Variants in PXMP2 observed in about 807,000 individuals in gnomAD.
The protein encoded by PXMP2 is 22 kDa peroxisomal membrane protein.
A neutral mutation model predicts 20.2 loss-of-function variants in PXMP2; 13 were observed. The observed-to-expected ratio is 0.64, with a 90% CI of 0.42 to 1.02. The LOEUF (loss-of-function observed/expected upper bound fraction) is 1.02. Ranked by LOEUF, PXMP2 falls within the 50% of genes least tolerant of loss-of-function variation. The pLI is 0.00. For missense variants in PXMP2, 284 were observed against 251.8 expected (o/e 1.13, Z -0.87); for synonymous variants, 113 against 111.2 (o/e 1.02, Z -0.10).
intron 2 of PXMP2, among the ~76,000 whole-genome samples, chr12:132,693,682 T>TA (rs1481349413): frequency 3.1e-5 from 4 of 129,394 alleles, no homozygotes; most frequent in African/African-American, 2.9e-5. Flanking sequence ...TGAGCGCCCT[T>TA]GCCAGTTAGT....
intron 4 of PXMP2, among the ~76,000 whole-genome samples, 157 bp from the exon 5 acceptor site, chr12:132,704,462 G>A (rs533352796): frequency 3.9e-5 from 6 of 152,288 alleles, no homozygotes; most frequent in African/African-American, 1.2e-4. Context: ...CTAGCACAGC[G>A]TTTGGTACGA....
intron 2 of PXMP2, among the ~76,000 whole-genome samples, chr12:132,692,202 C>T (rs2043372568): frequency 6.7e-6 from 1 of 148,156 alleles, no homozygotes; most frequent in Non-Finnish European, 1.5e-5. Context: ...GCTCCCTTAG[C>T]CAGTTAGTTA....
At chr12:132,690,513 A>G in intron 2 of PXMP2, 137 bp downstream of exon 2, 1 of 669,624 alleles carries the variant, frequency 1.5e-6, no homozygotes, top group East Asian at 2.8e-5. Context: ...ATCATGGGAA[A>G]AAACTCGAAT....
At chr12:132,700,276 T>G (rs945689819) in intron 3 of PXMP2, among the ~76,000 whole-genome samples, 2 of 151,948 alleles carry the variant, frequency 1.3e-5, no homozygotes, top group Non-Finnish European at 2.9e-5. Flanking sequence ...CTCAAACTGC[T>G]GACCTCGTGA....
intron 1 of PXMP2, 72 bp from the exon 2 acceptor site, chr12:132,690,191 C>A: frequency 8.0e-7 from 1 of 1,256,820 alleles, no homozygotes; most frequent in Non-Finnish European, 1.2e-6. Flanking sequence ...AACGGCCCTG[C>A]TAATTCACCT....
chr12:132,692,554 G>C (rs1436986687), intron 2 of PXMP2, among the ~76,000 whole-genome samples: 1 of 129,800 alleles, frequency 7.7e-6, no homozygotes, highest in Non-Finnish European at 1.7e-5. Context: ...TTGCCAGTTA[G>C]TTAGTGAGCA....
At position 132,704,634 on chromosome 12, in the gene PXMP2, G is replaced by A. The variant is rs201569782; in HGVS notation, c.535G>A (p.Ala179Thr). ...YVPLKFRVLFANLAALFWYAY... is the reference protein window; with the variant it reads ...YVPLKFRVLFTNLAALFWYAY... Reference sequence around the variant, plus strand: ...TTTTCGGCAGTTCCGGGTGCTCTTCGCCAACCTGGCAGCTCTGTTCTGGTA... The same window carrying A: ...TTTTCGGCAGTTCCGGGTGCTCTTCACCAACCTGGCAGCTCTGTTCTGGTA... Residue 179 changes from alanine to threonine, a missense_variant, in exon 5 of 5, where the codon GCC (alanine) becomes ACC (threonine). Transcript: ENST00000317479. 370 of 1,460,994 alleles carry A rather than the reference G, an allele frequency of 2.5e-4. No individual in the cohort carries two copies. The highest frequency in any genetic ancestry group is 3.1e-4 in the Non-Finnish European group (345 of 1,100,214). The allele number at this position is 1,460,994 out of a possible 1,614,324, so 90.5% of individuals were successfully genotyped here. A position where few individuals can be genotyped will look rare whatever the true frequency, so the allele number is the denominator to read the frequency against.
chr12:132,701,676 T>C (rs1236734481), intron 4 of PXMP2: 2 of 359,766 alleles, frequency 5.6e-6, no homozygotes, highest in East Asian at 7.8e-5. Flanking sequence ...ATGCCAGGGA[T>C]GCCTATGAGT....
intron 3 of PXMP2, among the ~76,000 whole-genome samples, chr12:132,700,101 G>T (rs2043430939): frequency 6.6e-6 from 1 of 151,300 alleles, no homozygotes; most frequent in Non-Finnish European, 1.5e-5. Flanking sequence ...GAGTGCAGTG[G>T]CACGATCTCG....
At chr12:132,692,249 GAGCCAGTTAGTTAGTGAGCTCCCTT>G (rs2043373166) in intron 2 of PXMP2, among the ~76,000 whole-genome samples, 15 of 123,158 alleles carry the variant, frequency 1.2e-4, no homozygotes, top group Non-Finnish European at 2.6e-4. Context: ...TGAGCTCCCT[GAGCCAGTTAGTTAGTGAGCTCCCTT>G]AGCCAGTTAG....
At position 132,687,736 on chromosome 12, in the gene PXMP2, C is replaced by A. The variant is rs777595741; in HGVS notation, c.66C>A (p.Leu22=). ...AGLGALPRRA[L]AQYLLFLRLY... is the part of the protein sequence containing the mutation. The stretch of plus-strand genomic sequence containing the variant: ...TCGGGGCGCTGCCGCGGCGGGCGCT[C>A]GCCCAGTACCTGCTCTTCCTGCGGC... The change falls in exon 1 of 5, where the codon CTC becomes CTA. Residue 22 remains leucine (L), a synonymous_variant. Coordinates refer to ENST00000317479, the MANE Select transcript of PXMP2 (RefSeq NM_018663.3). 29 of 1,219,346 alleles carry A rather than the reference C, an allele frequency of 2.4e-5. No individual in the cohort carries two copies. In the South Asian group the frequency reaches 6.7e-4, roughly 28 times the overall value. The allele number at this position is 1,219,346 out of a possible 1,614,324, so 75.5% of individuals were successfully genotyped here. A position where few individuals can be genotyped will look rare whatever the true frequency, so the allele number is the denominator to read the frequency against.
At chr12:132,701,548 T>A in intron 4 of PXMP2, 179 bp downstream of exon 4, 1 of 868,668 alleles carries the variant, frequency 1.2e-6, no homozygotes, top group Non-Finnish European at 1.7e-6. Context: ...ACCCTTGGAT[T>A]TTGCCCATGA....
intron 2 of PXMP2, among the ~76,000 whole-genome samples, chr12:132,690,584 T>C (rs980048369): frequency 3.3e-5 from 5 of 152,200 alleles, no homozygotes; most frequent in South Asian, 2.1e-4. Flanking sequence ...TTTTCTTTTT[T>C]TTTGGAGACA....
At chr12:132,694,412 C>CAGGT (rs2043395596) in intron 2 of PXMP2, among the ~76,000 whole-genome samples, 1 of 71,662 alleles carries the variant, frequency 1.4e-5, no homozygotes, top group African/African-American at 4.9e-5. Context: ...GCGCCCTTGC[C>CAGGT]AGTTAGTGAG....
Position 132,687,752 on chromosome 12 carries a change from T to A in PXMP2, c.82T>A (p.Phe28Ile). ...GCGGGCGCTCGCCCAGTACCTGCTCTTCCTGCGGCTCTACCCGGTGCTCAC... is the reference window on the plus strand; with the variant it reads ...GCGGGCGCTCGCCCAGTACCTGCTCATCCTGCGGCTCTACCCGGTGCTCAC... ...PRRALAQYLL[F>I]LRLYPVLTKA... is the part of the protein sequence containing the mutation. The change falls in exon 1 of 5, where the codon TTC becomes ATC. Residue 28 changes from phenylalanine (F) to isoleucine (I), a missense_variant. By Grantham distance (21) the Phe-to-Ile change is conservative. Coordinates refer to ENST00000317479, the MANE Select transcript of PXMP2 (RefSeq NM_018663.3). The A allele has an allele frequency of 8.2e-7, 1 of 1,217,258 alleles. No individual in the cohort carries two copies. The highest frequency in any genetic ancestry group is 2.7e-5 in the South Asian group (1 of 36,982). 75.4% of individuals were successfully genotyped at this position (1,217,258 alleles called of 1,614,324 possible). A position where few individuals can be genotyped will look rare whatever the true frequency, so the allele number is the denominator to read the frequency against.
intron 2 of PXMP2, among the ~76,000 whole-genome samples, chr12:132,694,437 T>TAGTTAGTGAGCTCCCTTAGCC (rs1166976928): frequency 1.1e-5 from 1 of 92,204 alleles, no homozygotes; most frequent in Non-Finnish European, 2.5e-5. Flanking sequence ...CTTAGCCAGT[T>TAGTTAGTGAGCTCCCTTAGCC]AGTTAGTGAG....
chr12:132,687,857 T>C, intron 1 of PXMP2, 65 bp downstream of exon 1: 1 of 1,101,016 alleles, frequency 9.1e-7, no homozygotes, highest in East Asian at 5.2e-5. Context: ...GCGCGGGGCC[T>C]GGACGGGAGC....
chr12:132,701,176 T>A, intron 3 of PXMP2, 74 bp from the exon 4 acceptor site: 2 of 1,583,946 alleles, frequency 1.3e-6, no homozygotes, highest in Non-Finnish European at 1.7e-6. Context: ...ACCATCACGA[T>A]AGGGTCTGGG....
At chr12:132,701,131 G>A (rs1399547201) in intron 3 of PXMP2, 119 bp from the exon 4 acceptor site, 20 of 1,415,276 alleles carry the variant, frequency 1.4e-5, no homozygotes, top group African/African-American at 5.8e-5. Context: ...TGCTGTCTGC[G>A]TACACACAGA....
Sources: allele counts gnomAD v4.1 joint callset (sites outside exome capture counted in the v4.1 genomes callset), GRCh38; gene constraint gnomAD v4.1.1; transcripts MANE v1.5; gene names NCBI Gene and HGNC (gene_info 2026-07-23, HGNC 2026-07-21).